ARAP2: variants seen among roughly 807,000 people sequenced by gnomAD.
ARAP2 encodes ArfGAP with RhoGAP domain, ankyrin repeat and PH domain 2.
A neutral mutation model predicts 194.5 loss-of-function variants in ARAP2; 148 were observed. The observed-to-expected ratio is 0.76, with a 90% CI of 0.67 to 0.87. The LOEUF is 0.87. Among genes scored for constraint, ARAP2 ranks in the 40% least tolerant of loss-of-function variants. ARAP2 has a pLI of 0.00. For synonymous variants in ARAP2, 695 were observed against 683.5 expected, an observed-to-expected ratio of 1.02 and a Z score of -0.26; for missense variants, 2,128 against 1,989.7, an observed-to-expected ratio of 1.07 and a Z score of -1.32.
chr4:36,007,303 C>G (rs182225253), intron 9 of ARAP2, among the ~76,000 whole-genome samples: 2,029 of 152,096 alleles, frequency 0.013, 29 homozygotes, highest in South Asian at 0.03. Flanking sequence ...ACTAAATTAT[C>G]CAGGTGGGCC....
chr4:36,183,521 C>G (rs1459346591), intron 8 of ARAP2, among the ~76,000 whole-genome samples: 2 of 152,100 alleles, frequency 1.3e-5, no homozygotes, highest in Non-Finnish European at 2.9e-5. Flanking sequence ...TTCTAAGCAC[C>G]AGAACTGTGC....
intron 5 of ARAP2, among the ~76,000 whole-genome samples, chr4:36,036,770 G>C (rs1510645): frequency 0.62 from 93,897 of 151,858 alleles, 30,015 homozygotes; most frequent in Admixed American, 0.76. Context: ...GCTTTTGCTA[G>C]TATAGCTACA....
At chr4:36,220,436 C>T (rs1159607289) in intron 2 of ARAP2, among the ~76,000 whole-genome samples, 2 of 152,090 alleles carry the variant, frequency 1.3e-5, no homozygotes, top group Admixed American at 6.5e-5. Context: ...CACTGCCAGT[C>T]ATATAAAAGT....
At chr4:36,178,215 A>G (rs1738422145) in intron 8 of ARAP2, among the ~76,000 whole-genome samples, 1 of 152,144 alleles carries the variant, frequency 6.6e-6, no homozygotes, top group African/African-American at 2.4e-5. Context: ...AATCAGTTCC[A>G]CTGGCTTTAC....
At position 36,163,816 on chromosome 4, in the gene ARAP2, T is replaced by C. The variant is rs1008266475; in HGVS notation, c.2173+1098A>G. Among the ~76,000 whole-genome samples, 16 of 152,156 alleles carry C rather than the reference T, an allele frequency of 1.1e-4. 1 individual carries two copies. The highest frequency in any genetic ancestry group is 8.5e-4 in the Admixed American group (13 of 15,276). On this transcript the variant is annotated intron_variant, in intron 11 of 32. Coordinates refer to ENST00000303965, the MANE Select transcript of ARAP2 (RefSeq NM_015230.4). ...ACAGCACAAAGGCCGTCTCTTCCAA[T>C]GAAACTGGAGAGAAGAAAAGGATGG...
At chr4:36,088,731 A>G (rs1712623428) in intron 28 of ARAP2, among the ~76,000 whole-genome samples, 1 of 152,096 alleles carries the variant, frequency 6.6e-6, no homozygotes, top group Non-Finnish European at 1.5e-5. Context: ...AGGAATACAC[A>G]GAGAAAGTAA....
intron 20 of ARAP2, among the ~76,000 whole-genome samples, chr4:36,130,834 A>G (rs1287566629): frequency 6.6e-6 from 1 of 151,926 alleles, no homozygotes; most frequent in East Asian, 1.9e-4. Context: ...TACAAACATC[A>G]ATGCTGACTA....
At chr4:36,111,560 C>A (rs1473483012) in intron 26 of ARAP2, among the ~76,000 whole-genome samples, 32 of 152,050 alleles carry the variant, frequency 2.1e-4, no homozygotes, top group African/African-American at 6.7e-4. Flanking sequence ...ATTCACAAAT[C>A]AAAACTTGAT....
rs1398954652 is a variant in ARAP2, at chr4:36,178,008, G to A, written c.1679-3C>T. ...GCTGATCCAGTCATTTCTCTCCTCT[G>A]AAAATGAAGACAGGAGAAAATACAT... On this transcript the variant is annotated splice_polypyrimidine_tract_variant and splice_region_variant and intron_variant, in intron 8 of 32. Coordinates refer to ENST00000303965, the MANE Select transcript of ARAP2 (RefSeq NM_015230.4). The A allele has an allele frequency of 6.3e-7, 1 of 1,582,976 alleles. No homozygotes were observed. Among genetic ancestry groups the A allele is most frequent in the Non-Finnish European group, 8.6e-7 (1 of 1,167,476 alleles).
At position 36,229,091 on chromosome 4, in the gene ARAP2, T is replaced by G; in HGVS notation, c.396A>C (p.Ala132=). Residue 132 remains alanine, a synonymous_variant, in exon 2 of 33, where the codon GCA becomes GCC. Transcript: ENST00000303965. ...TVRKNLEDSD[A]SVERSQYPQS... ...GAGGATACTGGCTTCTTTCCACACT[T>G]GCATCACTGTCTTCAAGATTTTTTC... 1 of 1,614,052 alleles carries G rather than the reference T, an allele frequency of 6.2e-7. No homozygotes were observed. The highest frequency in any genetic ancestry group is 8.5e-7 in the Non-Finnish European group (1 of 1,179,972).
chr4:36,053,898 T>C (rs1421717211), intron 2 of ARAP2, among the ~76,000 whole-genome samples: 2 of 152,196 alleles, frequency 1.3e-5, no homozygotes, highest in Non-Finnish European at 1.5e-5. Flanking sequence ...AATTGCTAAG[T>C]AGCTCAATAC....
In ARAP2 at chr4:36,215,903, G is replaced by A. The variant is rs921810322; in HGVS notation, c.906-1423C>T. On this transcript the variant is annotated intron_variant, in intron 2 of 32. Transcript: ENST00000303965. ...CACAAGAACAAAAAAGAACCAGCAC[G>A]GGCAATATAGAGAGACCTTGTCTCT... 5.3e-5 allele frequency among the ~76,000 whole-genome samples: 8 copies of A among 151,738 alleles called. No individual in the cohort carries two copies. In the South Asian group the frequency reaches 6.2e-4, roughly 12 times the overall value.
At chr4:36,119,137 G>A (rs994251422) in intron 24 of ARAP2, among the ~76,000 whole-genome samples, 2 of 151,360 alleles carry the variant, frequency 1.3e-5, no homozygotes, top group Non-Finnish European at 3.0e-5. Context: ...ATGTGACTGA[G>A]GAAAACAGGA....
chr4:36,016,414 AT>A (rs1715809579), intron 6 of ARAP2, among the ~76,000 whole-genome samples: 1 of 152,138 alleles, frequency 6.6e-6, no homozygotes, highest in Admixed American at 6.5e-5. Flanking sequence ...TATCTAAAGC[AT>A]TTTGCACAAA....
At chr4:36,147,380 A>G in intron 18 of ARAP2, 21 bp from the exon 19 acceptor site, 1 of 1,611,380 alleles carries the variant, frequency 6.2e-7, no homozygotes, top group Non-Finnish European at 8.5e-7. Flanking sequence ...AATGAAAAGC[A>G]AAAATTTATT....
In ARAP2 at chr4:36,091,861, C is replaced by A; in HGVS notation, c.4425+20G>T. 1 of 1,553,004 alleles carries A rather than the reference C, an allele frequency of 6.4e-7. No homozygotes were observed. The highest frequency in any genetic ancestry group is 8.8e-7 in the Non-Finnish European group (1 of 1,141,758). On this transcript the variant is annotated intron_variant, in intron 28 of 32. Transcript: ENST00000303965. ...TAATACCCACACAAATAAAAATGTA[C>A]GCATGTTCAAATACTATACCTTCAC...
chr4:36,035,632 T>C (rs1719770542), intron 5 of ARAP2, among the ~76,000 whole-genome samples: 1 of 152,014 alleles, frequency 6.6e-6, no homozygotes, highest in Non-Finnish European at 1.5e-5. Context: ...CAAAACTTGA[T>C]ATTTTCAGTG....
rs1379718760 is a variant in ARAP2 at position 36,244,459 on chromosome 4, C to A, written c.-440G>T. On this transcript the variant is annotated 5_prime_UTR_variant, in exon 1 of 33. Transcript: ENST00000303965. ...CGCTCAGCTCCGGAAACGCCGAGCC[C>A]GGCGCCCGCGCCTTGCTCAGGTGCT... 2 of 150,590 alleles carry A rather than the reference C, an allele frequency of 1.3e-5. No individual in the cohort carries two copies. The highest frequency in any genetic ancestry group is 1.3e-4 in the Admixed American group (2 of 15,118). 9.3% of individuals were successfully genotyped at this position (150,590 alleles called of 1,614,324 possible).
chr4:36,034,430 T>G (rs1719558684), intron 5 of ARAP2, among the ~76,000 whole-genome samples: 1 of 152,154 alleles, frequency 6.6e-6, no homozygotes, highest in African/African-American at 2.4e-5. Flanking sequence ...GCCTTCCTGA[T>G]TTGGCTCTCA....
Sources: allele counts gnomAD v4.1 joint callset (sites outside exome capture counted in the v4.1 genomes callset), GRCh38; gene constraint gnomAD v4.1.1; transcripts MANE v1.5; gene names NCBI Gene and HGNC (gene_info 2026-07-23, HGNC 2026-07-21).